The following GSTT4 variants were observed in gnomAD, a reference collection of about 807,000 sequenced individuals.
The protein encoded by GSTT4 is glutathione S-transferase theta-4.
chr22:24,002,454 A>G (rs1286668142), intron 2 of GSTT4, among the ~76,000 whole-genome samples: 1 of 152,286 alleles, frequency 6.6e-6, no homozygotes, highest in Non-Finnish European at 1.5e-5. Context: ...ACCAGCAGCA[A>G]CCATGCCAAG....
At chr22:23,996,926 T>C (rs1266640742), downstream of GSTT4, among the ~76,000 whole-genome samples, 1 of 152,140 alleles carries the variant, frequency 6.6e-6, no homozygotes, top group Non-Finnish European at 1.5e-5. Context: ...CTTCAAGCTT[T>C]TGGTTGAATT....
chr22:23,999,912 G>GC, intron 4 of GSTT4, among the ~76,000 whole-genome samples, 163 bp downstream of exon 4: 1 of 152,196 alleles, frequency 6.6e-6, no homozygotes, highest in Non-Finnish European at 1.5e-5. Context: ...GCTTCCTGTT[G>GC]CCCCGATTGA....
the GSTT4 span, among the ~76,000 whole-genome samples, chr22:23,992,169 C>CGG: frequency 1.4e-5 from 2 of 140,882 alleles, no homozygotes; most frequent in Non-Finnish European, 3.1e-5. Flanking sequence ...TGACTGCCTG[C>CGG]GGGGCTGCCA....
At chr22:23,998,799 C>CAG (rs200102740) in intron 4 of GSTT4, 60 bp from the exon 5 acceptor site, 2,307 of 154,404 alleles carry the variant, frequency 0.015, no homozygotes, top group African/African-American at 0.053. Flanking sequence ...CCTGGGTCCT[C>CAG]TCCCACAGCC....
chr22:23,998,938 C>T (rs1304622036), intron 4 of GSTT4, among the ~76,000 whole-genome samples, 199 bp from the exon 5 acceptor site: 1 of 152,252 alleles, frequency 6.6e-6, no homozygotes, highest in Non-Finnish European at 1.5e-5. Flanking sequence ...CCTCAGAGTC[C>T]TCAGTCACTG....
At chr22:23,993,940 T>A (rs1313900654), downstream of GSTT4, among the ~76,000 whole-genome samples, 1 of 152,200 alleles carries the variant, frequency 6.6e-6, no homozygotes, top group Non-Finnish European at 1.5e-5. Context: ...TCCCCCAATA[T>A]GGTCACTCAT....
downstream of GSTT4, among the ~76,000 whole-genome samples, chr22:23,997,615 G>T (rs2034129963): frequency 6.6e-6 from 1 of 152,006 alleles, no homozygotes; most frequent in South Asian, 2.1e-4. Flanking sequence ...TCTTTGCAAA[G>T]ATCCAATTTT....
chr22:23,997,417 C>A (rs2034126915), downstream of GSTT4, among the ~76,000 whole-genome samples: 1 of 151,952 alleles, frequency 6.6e-6, no homozygotes, highest in South Asian at 2.1e-4. Context: ...AGAAAAAAGT[C>A]TCATTGTGTT....
chr22:24,000,631 T>C (rs1257641029), intron 3 of GSTT4, among the ~76,000 whole-genome samples: 1 of 144,750 alleles, frequency 6.9e-6, no homozygotes, highest in Admixed American at 6.7e-5. Flanking sequence ...CAATCTTGGC[T>C]CACTGCCAAC....
chr22:23,996,552 G>C (rs1188971309), downstream of GSTT4, among the ~76,000 whole-genome samples: 1 of 133,414 alleles, frequency 7.5e-6, no homozygotes, highest in Non-Finnish European at 1.7e-5. Flanking sequence ...TAATTTTATC[G>C]TAAAAGGATG....
At chr22:23,991,634 C>T in the GSTT4 span, among the ~76,000 whole-genome samples, 2 of 116,022 alleles carry the variant, frequency 1.7e-5, no homozygotes, top group African/African-American at 5.9e-5. Context: ...CACCAGGAGC[C>T]CCGAGTCCGG....
At chr22:23,992,924 G>A in the GSTT4 span, among the ~76,000 whole-genome samples, 7 of 152,068 alleles carry the variant, frequency 4.6e-5, no homozygotes, top group South Asian at 1.0e-3. Flanking sequence ...ACATGCGCAT[G>A]CCACCAATCT....
chr22:23,997,326 C>T (rs1287789495), downstream of GSTT4, among the ~76,000 whole-genome samples: 1 of 152,020 alleles, frequency 6.6e-6, no homozygotes, highest in Non-Finnish European at 1.5e-5. Flanking sequence ...GAGTGATCCT[C>T]CCACCTCGGC....
chr22:23,996,772 G>A (rs564152444), downstream of GSTT4, among the ~76,000 whole-genome samples: 48 of 152,176 alleles, frequency 3.2e-4, 1 homozygote, highest in Non-Finnish European at 5.3e-4. Flanking sequence ...ATATTTATAA[G>A]GATATTGCTT....
At chr22:23,990,453 C>CAAAAAAA in the GSTT4 span, among the ~76,000 whole-genome samples, 39 of 29,972 alleles carry the variant, frequency 1.3e-3, 6 homozygotes, top group African/African-American at 7.4e-3. Context: ...CTACACACAC[C>CAAAAAAA]AAAAAAAAAA....
At chr22:24,001,705 G>T (rs1222709935) in intron 2 of GSTT4, among the ~76,000 whole-genome samples, 5 of 152,262 alleles carry the variant, frequency 3.3e-5, no homozygotes, top group African/African-American at 1.2e-4. Context: ...AACAAAAACG[G>T]GGGGGCACGA....
downstream of GSTT4, among the ~76,000 whole-genome samples, chr22:23,996,409 T>G (rs2146223010): frequency 6.6e-6 from 1 of 152,304 alleles, no homozygotes; most frequent in Non-Finnish European, 1.5e-5. Context: ...ATGAACATTC[T>G]TGTCCTGTTC....
downstream of GSTT4, among the ~76,000 whole-genome samples, chr22:23,994,327 A>T (rs2034096084): frequency 6.6e-6 from 1 of 151,998 alleles, no homozygotes; most frequent in Non-Finnish European, 1.5e-5. Context: ...ATATTAACAA[A>T]GTTTTGTCAC....
chr22:23,997,143 C>T (rs1214941007), downstream of GSTT4, among the ~76,000 whole-genome samples: 2 of 151,944 alleles, frequency 1.3e-5, no homozygotes, highest in Non-Finnish European at 2.9e-5. Flanking sequence ...TATTTCTAAA[C>T]TTTTGAATTT....
Sources: gnomAD v4.1 joint callset for allele counts (sites outside exome capture counted in the v4.1 genomes callset) on GRCh38, gnomAD v4.1.1 for gene constraint, MANE v1.5 for transcripts, NCBI Gene and HGNC (gene_info 2026-07-23, HGNC 2026-07-21) for gene names.